SLC6A5: variants seen among roughly 807,000 people sequenced by gnomAD.
SLC6A5 encodes the protein solute carrier family 6 member 5.
In SLC6A5, 58 loss-of-function variants were observed where a neutral mutation model predicts 90.5. That is an observed-to-expected ratio of 0.64 (90% CI 0.52 to 0.80). SLC6A5 has a LOEUF of 0.80. Ranked by LOEUF, SLC6A5 falls within the 30% of genes least tolerant of loss-of-function variation. The pLI is 0.00. For missense variants in SLC6A5, 1,015 were observed against 1,017.6 expected (o/e 1.00, Z 0.03); for synonymous variants, 427 against 401.4 (o/e 1.06, Z -0.76).
chr11:20,640,051 G>A (rs996142654), intron 13 of SLC6A5, among the ~76,000 whole-genome samples: 9 of 152,280 alleles, frequency 5.9e-5, no homozygotes, highest in South Asian at 4.1e-4. Context: ...CCACCACAGC[G>A]TATCTTAACT....
At chr11:20,630,927 G>A in intron 10 of SLC6A5, 112 bp downstream of exon 10, 2 of 1,234,698 alleles carry the variant, frequency 1.6e-6, no homozygotes, top group Non-Finnish European at 1.2e-6. Context: ...ATAGAGGGTG[G>A]AGGAGCCCAG....
At position 20,638,555 on chromosome 11, in the gene SLC6A5, T is replaced by C. The variant is rs781626578; in HGVS notation, c.1966T>C (p.Tyr656His). 1.5e-5 allele frequency: 24 copies of C among 1,587,432 alleles called. No homozygotes were observed. Among genetic ancestry groups the C allele is most frequent in the Non-Finnish European group, 2.1e-5 (24 of 1,155,852 alleles). ...TGAGCTCGTGGGGATCTCTTATGTG[T>C]ATGGTAAGGAAATCACTGTGCCTGT... Reference protein sequence around the residue: ...IFELVGISYVYGLQRFCEDIE... With the variant: ...IFELVGISYVHGLQRFCEDIE... Residue 656 changes from tyrosine to histidine, a missense_variant, in exon 13 of 16, where the codon TAT (tyrosine) becomes CAT (histidine). Tyr to His is a moderately conservative substitution (Grantham distance 83). This residue lies in a region of SLC6A5 where 442 missense variants were observed against 494.3 expected (regional missense o/e 0.89). Transcript: ENST00000525748.
chr11:20,610,003 C>T (rs957714947), intron 5 of SLC6A5, among the ~76,000 whole-genome samples: 2 of 152,218 alleles, frequency 1.3e-5, no homozygotes, highest in Non-Finnish European at 2.9e-5. Flanking sequence ...TAGGAGCTAG[C>T]TGGGTCACGT....
intron 13 of SLC6A5, among the ~76,000 whole-genome samples, chr11:20,642,420 C>T (rs1003350612): frequency 1.3e-5 from 2 of 152,098 alleles, no homozygotes; most frequent in Non-Finnish European, 2.9e-5. Context: ...TTCTGAGCCT[C>T]ATATCTGTTT....
At chr11:20,603,767 T>C (rs1483633639) in intron 2 of SLC6A5, among the ~76,000 whole-genome samples, 1 of 152,132 alleles carries the variant, frequency 6.6e-6, no homozygotes, top group Non-Finnish European at 1.5e-5. Flanking sequence ...GCTCTCTTTC[T>C]GGTCTTGGCA....
chr11:20,618,440 C>T (rs560085641), intron 7 of SLC6A5, among the ~76,000 whole-genome samples: 2 of 152,184 alleles, frequency 1.3e-5, no homozygotes, highest in South Asian at 2.1e-4. Flanking sequence ...GGAAGATGGT[C>T]CTGCCCATGG....
chr11:20,647,253 G>C (rs1209685981), intron 14 of SLC6A5, among the ~76,000 whole-genome samples: 1 of 122,838 alleles, frequency 8.1e-6, no homozygotes, highest in African/African-American at 3.1e-5. Context: ...ATATATATCA[G>C]TTCCTATATA....
intron 14 of SLC6A5, among the ~76,000 whole-genome samples, chr11:20,650,917 C>T (rs951873897): frequency 2.0e-5 from 3 of 151,620 alleles, no homozygotes; most frequent in Non-Finnish European, 4.4e-5. Context: ...CCGCCCGCCT[C>T]GGCCTCCCAA....
chr11:20,655,640 C>T lies in SLC6A5; in HGVS notation c.*772C>T, dbSNP rs1228304709. The T allele has an allele frequency of 6.6e-6, 1 of 152,510 alleles. No individual in the cohort carries two copies. The highest frequency in any genetic ancestry group is 1.5e-5 in the Non-Finnish European group (1 of 68,302). The allele number at this position is 152,510 out of a possible 1,614,324, so 9.4% of individuals were successfully genotyped here. On this transcript the variant is annotated 3_prime_UTR_variant, in exon 16 of 16. Transcript: ENST00000525748. ...AGAAGCCATCATATAAGTTGTGCCTCATTTTGTACGTTCATAGTAGAGCTC... is the reference window on the plus strand; with the variant it reads ...AGAAGCCATCATATAAGTTGTGCCTTATTTTGTACGTTCATAGTAGAGCTC...
intron 13 of SLC6A5, 46 bp downstream of exon 13, chr11:20,638,604 G>A (rs754013263): frequency 2.2e-5 from 24 of 1,107,740 alleles, no homozygotes; most frequent in South Asian, 1.5e-4. Flanking sequence ...CTTGAGTGTC[G>A]GTAAGGCATT....
chr11:20,601,226 C>G lies in SLC6A5; in HGVS notation c.101C>G (p.Thr34Arg), dbSNP rs754348968. Residue 34 changes from threonine to arginine, a missense_variant, in exon 2 of 16, where the codon ACG (threonine) becomes AGG (arginine). Transcript: ENST00000525748. Reference protein sequence around the residue: ...GHPDGPCAPRTSPEQELPAAA... With the variant: ...GHPDGPCAPRRSPEQELPAAA... ...CCGGATGGCCCATGCGCTCCCAGGACGAGCCCGGAGCAGGAGCTTCCCGCG... is the reference window on the plus strand; with the variant it reads ...CCGGATGGCCCATGCGCTCCCAGGAGGAGCCCGGAGCAGGAGCTTCCCGCG... 6 of 1,582,462 alleles carry G rather than the reference C, an allele frequency of 3.8e-6. No individual in the cohort carries two copies. In the Admixed American group the frequency reaches 5.2e-5, roughly 14 times the overall value.
chr11:20,644,330 T>C (rs1853369136), intron 13 of SLC6A5, among the ~76,000 whole-genome samples: 1 of 152,234 alleles, frequency 6.6e-6, no homozygotes, highest in Admixed American at 6.5e-5. Flanking sequence ...AGTGAGAACA[T>C]ACAGTGTTTG....
chr11:20,634,102 C>A (rs930981227), intron 10 of SLC6A5, among the ~76,000 whole-genome samples: 1 of 152,206 alleles, frequency 6.6e-6, no homozygotes, highest in African/African-American at 2.4e-5. Flanking sequence ...GAACTCCTCA[C>A]CTTGTGATCT....
At chr11:20,624,288 G>T (rs7950453) in intron 7 of SLC6A5, among the ~76,000 whole-genome samples, 40,292 of 151,418 alleles carry the variant, frequency 0.27, 5,391 homozygotes, top group Middle Eastern at 0.34. Flanking sequence ...TGAGTAGCTG[G>T]GACTACAGGC....
intron 5 of SLC6A5, among the ~76,000 whole-genome samples, chr11:20,611,483 G>A (rs1425313128): frequency 6.6e-6 from 1 of 152,106 alleles, no homozygotes; most frequent in Non-Finnish European, 1.5e-5. Flanking sequence ...ATGAAAAAAG[G>A]TTCCCACAGA....
Position 20,652,446 on chromosome 11 carries a change from G to T in SLC6A5, c.2228G>T (p.Arg743Ile). Residue 743 changes from arginine (R) to isoleucine (I), a missense_variant, in exon 15 of 16, where the codon AGA becomes ATA. This residue lies in a region of SLC6A5 where 442 missense variants were observed against 494.3 expected (regional missense o/e 0.89). Coordinates refer to ENST00000525748, the MANE Select transcript of SLC6A5 (RefSeq NM_004211.5). ...FVIKMHLAPG[R>I]FIERLKLVCS... ...ATAAAAATGCATCTGGCCCCTGGAAGATTTATTGAGGTAATTCTGTCTACT... is the reference window on the plus strand; with the variant it reads ...ATAAAAATGCATCTGGCCCCTGGAATATTTATTGAGGTAATTCTGTCTACT... The T allele has an allele frequency of 6.2e-7, 1 of 1,613,934 alleles. No individual in the cohort carries two copies.
chr11:20,630,850 A>G (rs375652388), intron 10 of SLC6A5, 35 bp downstream of exon 10: 2 of 1,612,404 alleles, frequency 1.2e-6, no homozygotes, highest in African/African-American at 2.7e-5. Flanking sequence ...GTTGCAGGGC[A>G]GGTCCCAGGC....
intron 10 of SLC6A5, among the ~76,000 whole-genome samples, chr11:20,632,481 A>G (rs774714194): frequency 3.9e-5 from 6 of 152,056 alleles, no homozygotes; most frequent in African/African-American, 9.7e-5. Flanking sequence ...CTCCTTTCCA[A>G]TGTTTTTTCA....
At chr11:20,619,612 G>T (rs1852851903) in intron 7 of SLC6A5, among the ~76,000 whole-genome samples, 1 of 140,184 alleles carries the variant, frequency 7.1e-6, no homozygotes, top group African/African-American at 2.7e-5. Flanking sequence ...TTCTGATTTT[G>T]CTCTTAGCTT....
Sources: gnomAD v4.1 joint callset for allele counts (sites outside exome capture counted in the v4.1 genomes callset) on GRCh38, gnomAD v4.1.1 for gene constraint, gnomAD v4.1.1 regional missense constraint, MANE v1.5 for transcripts, NCBI Gene and HGNC (gene_info 2026-07-23, HGNC 2026-07-21) for gene names.